TENM3: variants seen among roughly 807,000 people sequenced by gnomAD.
TENM3 encodes teneurin transmembrane protein 3.
A neutral mutation model predicts 255.1 loss-of-function variants in TENM3; 63 were observed. The observed-to-expected ratio is 0.25, with a 90% CI of 0.20 to 0.30. TENM3 has a LOEUF of 0.30. Among genes scored for constraint, TENM3 ranks in the 10% least tolerant of loss-of-function variants. The probability of loss-of-function intolerance (pLI) is 1.00; values close to 1 mark genes in which losing one functional copy is unlikely to be tolerated. For missense variants in TENM3, 2,929 were observed against 3,461.1 expected (o/e 0.85, Z 3.86); for synonymous variants, 1,306 against 1,322.3 (o/e 0.99, Z 0.27).
chr4:181,898,172 ACT>A, the TENM3 span, among the ~76,000 whole-genome samples: 6 of 152,194 alleles, frequency 3.9e-5, no homozygotes. Context: ...ATCAGTTCAT[ACT>A]AAAAATACTT....
At chr4:181,578,229 C>T in the TENM3 span, among the ~76,000 whole-genome samples, 2 of 86,168 alleles carry the variant, frequency 2.3e-5, no homozygotes, top group East Asian at 6.0e-4. Flanking sequence ...GATGTCTTTC[C>T]TTTTCTTTGT....
At chr4:182,099,069 C>A in the TENM3 span, among the ~76,000 whole-genome samples, 100 of 144,386 alleles carry the variant, frequency 6.9e-4, no homozygotes, top group African/African-American at 2.3e-3. Context: ...TCAAGCAATT[C>A]TTCTGCCTCA....
At chr4:181,473,087 C>T in the TENM3 span, among the ~76,000 whole-genome samples, 1 of 151,820 alleles carries the variant, frequency 6.6e-6, no homozygotes, top group Admixed American at 6.6e-5. Context: ...TTTAATTAAA[C>T]AATATTTCAT....
chr4:182,398,142 TACAAAGTGAA>T lies in TENM3; in HGVS notation c.511+51217_511+51226del, dbSNP rs146593967. On this transcript the variant is annotated intron_variant, in intron 3 of 27. Coordinates refer to ENST00000511685, the MANE Select transcript of TENM3 (RefSeq NM_001080477.4). Reference sequence around the variant, plus strand: ...AGGAGCAGGGCAGAAGCTCATTTACTACAAAGTGAAACACCAGATTGGATCGCTCGCGTGG... The same window carrying T: ...AGGAGCAGGGCAGAAGCTCATTTACTACACCAGATTGGATCGCTCGCGTGG... 3.2e-4 allele frequency among the ~76,000 whole-genome samples: 48 copies of T among 152,300 alleles called. No homozygotes were observed. The East Asian group carries it at 6.6e-3, about 21-fold the overall frequency.
chr4:181,567,854 G>A, the TENM3 span, among the ~76,000 whole-genome samples: 2 of 152,144 alleles, frequency 1.3e-5, no homozygotes, highest in Admixed American at 6.6e-5. Flanking sequence ...GGATCTGAAA[G>A]GCGAAATAAT....
chr4:181,485,607 C>G, the TENM3 span, among the ~76,000 whole-genome samples: 1 of 152,072 alleles, frequency 6.6e-6, no homozygotes, highest in African/African-American at 2.4e-5. Flanking sequence ...TTTTCCAATA[C>G]TAAAGTAACT....
chr4:181,532,659 G>A, the TENM3 span, among the ~76,000 whole-genome samples: 1 of 152,026 alleles, frequency 6.6e-6, no homozygotes, highest in Admixed American at 6.6e-5. Flanking sequence ...AAAAGTAAAG[G>A]AATTAGAAAT....
At chr4:182,263,789 AAC>A (rs1759042484) in intron 1 of TENM3, among the ~76,000 whole-genome samples, 1 of 152,158 alleles carries the variant, frequency 6.6e-6, no homozygotes, top group South Asian at 2.1e-4. Flanking sequence ...CACGTGTCGA[AAC>A]TCTTAAGTCA....
intron 1 of TENM3, among the ~76,000 whole-genome samples, chr4:182,255,603 T>C (rs556106296): frequency 5.3e-5 from 8 of 152,290 alleles, no homozygotes; most frequent in South Asian, 2.1e-4. Context: ...TCAGAGATCA[T>C]TGTGGCACCG....
chr4:182,404,810 G>C (rs1266591597), intron 3 of TENM3, among the ~76,000 whole-genome samples: 1 of 152,216 alleles, frequency 6.6e-6, no homozygotes, highest in Middle Eastern at 3.2e-3. Context: ...AGAATATACA[G>C]CTCCTCATCA....
At chr4:181,578,230 T>TCTTC in the TENM3 span, among the ~76,000 whole-genome samples, 1 of 82,780 alleles carries the variant, frequency 1.2e-5, no homozygotes, top group Non-Finnish European at 2.4e-5. Context: ...ATGTCTTTCC[T>TCTTC]TTTCTTTGTT....
the TENM3 span, among the ~76,000 whole-genome samples, chr4:181,624,846 A>C: frequency 0.93 from 140,966 of 152,212 alleles, 65,571 homozygotes; most frequent in East Asian, 0.98. Context: ...GGTGCAGGAA[A>C]GGTTGGAAGG....
At chr4:181,625,925 G>T in the TENM3 span, among the ~76,000 whole-genome samples, 1 of 152,150 alleles carries the variant, frequency 6.6e-6, no homozygotes, top group South Asian at 2.1e-4. Flanking sequence ...AGTGGCCAAT[G>T]TCACCCATTT....
intron 3 of TENM3, among the ~76,000 whole-genome samples, chr4:182,397,127 T>C (rs1225751019): frequency 6.6e-6 from 1 of 151,534 alleles, no homozygotes; most frequent in Non-Finnish European, 1.5e-5. Context: ...GAGTTAACTG[T>C]GTAAAAAAGG....
the TENM3 span, among the ~76,000 whole-genome samples, chr4:181,467,408 T>C: frequency 6.6e-6 from 1 of 151,514 alleles, no homozygotes; most frequent in Non-Finnish European, 1.5e-5. Flanking sequence ...GTGCTGGGAT[T>C]ACAGATGTGA....
At chr4:182,425,694 T>A (rs558011651) in intron 3 of TENM3, among the ~76,000 whole-genome samples, 1 of 152,302 alleles carries the variant, frequency 6.6e-6, no homozygotes, top group South Asian at 2.1e-4. Flanking sequence ...AAGTGAATTT[T>A]CAACCAAAAC....
chr4:181,618,202 T>TA, the TENM3 span, among the ~76,000 whole-genome samples: 2 of 152,290 alleles, frequency 1.3e-5, no homozygotes, highest in African/African-American at 4.8e-5. Context: ...GCAGGCACTC[T>TA]AGGGTGAGTT....
At chr4:182,595,565 A>T (rs1265407299) in intron 3 of TENM3, among the ~76,000 whole-genome samples, 1 of 152,138 alleles carries the variant, frequency 6.6e-6, no homozygotes, top group African/African-American at 2.4e-5. Flanking sequence ...TTCATTCAAC[A>T]TAGTGAATAA....
the TENM3 span, among the ~76,000 whole-genome samples, chr4:181,686,291 A>C: frequency 2.2e-4 from 34 of 152,140 alleles, 1 homozygote; most frequent in Non-Finnish European, 7.4e-5. Flanking sequence ...TGAGATGAAC[A>C]TTTTCTTTGT....
Sources: gnomAD v4.1 joint callset for allele counts (sites outside exome capture counted in the v4.1 genomes callset) on GRCh38, gnomAD v4.1.1 for gene constraint, MANE v1.5 for transcripts, NCBI Gene and HGNC (gene_info 2026-07-23, HGNC 2026-07-21) for gene names.